Variants in HHAT observed in about 807,000 individuals in gnomAD.
The protein encoded by HHAT is hedgehog acyltransferase.
HHAT carries 47 observed loss-of-function variants against 70.8 expected under a neutral mutation model. The observed-to-expected ratio is 0.66, with a 90% CI of 0.53 to 0.85. The LOEUF (loss-of-function observed/expected upper bound fraction) is 0.85, where lower values mean the gene tolerates loss of function less well. Ranked by LOEUF, HHAT falls within the 40% of genes least tolerant of loss-of-function variation. The pLI is 0.00. For synonymous variants in HHAT, 228 were observed against 247.6 expected, an observed-to-expected ratio of 0.92 and a Z score of 0.74; for missense variants, 609 against 604.8, an observed-to-expected ratio of 1.01 and a Z score of -0.07.
chr1:210,609,093 G>A (rs925459969), intron 10 of HHAT, among the ~76,000 whole-genome samples: 33 of 152,146 alleles, frequency 2.2e-4, no homozygotes, highest in Non-Finnish European at 4.1e-4. Flanking sequence ...TCTTTGACAC[G>A]TGGTGATTAT....
rs1243378406 is a variant in HHAT, at chr1:210,674,529, T to C, written c.*150T>C. On this transcript the variant is annotated 3_prime_UTR_variant, in exon 12 of 12. Transcript: ENST00000261458. ...CTCCAAGACTGGATGCTGGATCTCA[T>C]AGAAAATTCACAGCCAGACAATCTT... The C allele has an allele frequency of 1.0e-5, 6 of 598,152 alleles. No homozygotes were observed. Among genetic ancestry groups the C allele is most frequent in the South Asian group, 2.2e-5 (1 of 46,336 alleles). The allele number at this position is 598,152 out of a possible 1,614,324, so 37.1% of individuals were successfully genotyped here. A position where few individuals can be genotyped will look rare whatever the true frequency, so the allele number is the denominator to read the frequency against.
In HHAT at chr1:210,651,535, G is replaced by A. The variant is rs535818784; in HGVS notation, c.1391-22753G>A. On this transcript the variant is annotated intron_variant, in intron 11 of 11. Transcript: ENST00000261458. Reference sequence around the variant, plus strand: ...CTTAGGCCTCTGAAGGGTACCCTGCGGCTTACGATGGAACCTCAGAGCAGG... The same window carrying A: ...CTTAGGCCTCTGAAGGGTACCCTGCAGCTTACGATGGAACCTCAGAGCAGG... Among the ~76,000 whole-genome samples, 27 of 152,238 alleles carry A rather than the reference G, an allele frequency of 1.8e-4. No homozygotes were observed. In the South Asian group the frequency reaches 4.8e-3, roughly 27 times the overall value.
At chr1:210,543,101 G>C (rs921149983) in intron 9 of HHAT, among the ~76,000 whole-genome samples, 1 of 152,134 alleles carries the variant, frequency 6.6e-6, no homozygotes. Flanking sequence ...CGTTAGTCCT[G>C]CCAAGAAAGC....
intron 9 of HHAT, among the ~76,000 whole-genome samples, chr1:210,581,689 A>G (rs1659295628): frequency 6.6e-6 from 1 of 152,220 alleles, no homozygotes; most frequent in South Asian, 2.1e-4. Context: ...GTGTGGAGAA[A>G]CTTCAGCATC....
intron 9 of HHAT, among the ~76,000 whole-genome samples, chr1:210,539,524 A>G (rs150688357): frequency 1.3e-4 from 20 of 152,268 alleles, no homozygotes; most frequent in Admixed American, 6.5e-4. Flanking sequence ...GCGATTTAAG[A>G]TCTGGTAAAC....
chr1:210,550,931 G>A (rs993858873), intron 9 of HHAT, among the ~76,000 whole-genome samples: 18 of 148,516 alleles, frequency 1.2e-4, no homozygotes, highest in Non-Finnish European at 4.4e-5. Context: ...GCCTCCCAAA[G>A]CTCTAGGATT....
In HHAT at chr1:210,473,847, C is replaced by CTGCT. The variant is rs1363688228; in HGVS notation, c.1007+9193_1007+9196dup. On this transcript the variant is annotated intron_variant, in intron 8 of 11. Coordinates refer to ENST00000261458, the MANE Select transcript of HHAT (RefSeq NM_018194.6). The stretch of plus-strand genomic sequence containing the variant: ...TCTGCTGGTCTTCAAGCTTCTGGGT[C>CTGCT]TGCTAGCTCTACCTTATTTCTAATT... Among the ~76,000 whole-genome samples, 29 of 152,296 alleles carry CTGCT rather than the reference C, an allele frequency of 1.9e-4. 1 individual carries two copies. The highest frequency in any genetic ancestry group is 6.7e-4 in the African/African-American group (28 of 41,544).
At chr1:210,537,478 A>G (rs1443242977) in intron 9 of HHAT, among the ~76,000 whole-genome samples, 1 of 152,200 alleles carries the variant, frequency 6.6e-6, no homozygotes, top group Non-Finnish European at 1.5e-5. Flanking sequence ...CAATAATAAT[A>G]AAATGAGTAG....
chr1:210,611,150 G>T (rs1428202099), intron 10 of HHAT, among the ~76,000 whole-genome samples: 2 of 152,198 alleles, frequency 1.3e-5, no homozygotes, highest in African/African-American at 4.8e-5. Context: ...CATGAGCATG[G>T]AACGTTCTTC....
intron 4 of HHAT, among the ~76,000 whole-genome samples, chr1:210,398,916 G>A (rs1459284979): frequency 6.6e-6 from 1 of 152,120 alleles, no homozygotes; most frequent in African/African-American, 2.4e-5. Flanking sequence ...GGTTTTCTTG[G>A]AACTTAAAAA....
At chr1:210,613,318 T>G (rs1415883784) in intron 10 of HHAT, among the ~76,000 whole-genome samples, 1 of 152,232 alleles carries the variant, frequency 6.6e-6, no homozygotes, top group African/African-American at 2.4e-5. Flanking sequence ...TTCTTTTGCA[T>G]GTGTATATCC....
chr1:210,674,810 T>C lies in HHAT; in HGVS notation c.*431T>C. The C allele has an allele frequency of 6.4e-6, 1 of 156,556 alleles. No homozygotes were observed. The highest frequency in any genetic ancestry group is 1.4e-5 in the Non-Finnish European group (1 of 70,846). The allele number at this position is 156,556 out of a possible 1,614,324, so 9.7% of individuals were successfully genotyped here. A position where few individuals can be genotyped will look rare whatever the true frequency, so the allele number is the denominator to read the frequency against. ...ATATTTCTAAAATATTTGAGTGACA[T>C]TGATGTTTAAGTGACCTCCTTCATC... On this transcript the variant is annotated 3_prime_UTR_variant, in exon 12 of 12. Coordinates refer to ENST00000261458, the MANE Select transcript of HHAT (RefSeq NM_018194.6).
chr1:210,394,229 CTTTTTTTTTTTTTTTTTTTTTTTT>C (rs59554789), intron 4 of HHAT, among the ~76,000 whole-genome samples: 2 of 116,274 alleles, frequency 1.7e-5, no homozygotes. Flanking sequence ...CATGATCTAT[CTTTTTTTTTTTTTTTTTTTTTTTT>C]TTTTTTTTTT....
intron 11 of HHAT, among the ~76,000 whole-genome samples, chr1:210,632,461 C>T (rs1411254342): frequency 6.6e-6 from 1 of 152,168 alleles, no homozygotes; most frequent in Non-Finnish European, 1.5e-5. Flanking sequence ...GTGATGTTTA[C>T]ATGGCATGAG....
At chr1:210,518,172 C>A (rs147711286) in intron 9 of HHAT, among the ~76,000 whole-genome samples, 1 of 152,146 alleles carries the variant, frequency 6.6e-6, no homozygotes, top group Non-Finnish European at 1.5e-5. Context: ...ACTGTGCAAT[C>A]GGACACCAGA....
chr1:210,486,459 T>C (rs2094473829), intron 8 of HHAT, among the ~76,000 whole-genome samples: 1 of 152,314 alleles, frequency 6.6e-6, no homozygotes, highest in Non-Finnish European at 1.5e-5. Context: ...TAATTAGAGC[T>C]TTTGTCTAGA....
At chr1:210,491,949 G>C (rs1222624777) in intron 8 of HHAT, among the ~76,000 whole-genome samples, 3 of 152,090 alleles carry the variant, frequency 2.0e-5, no homozygotes, top group African/African-American at 7.2e-5. Context: ...TTTTAGTAGA[G>C]ACAGGATTTT....
At chr1:210,386,804 C>T (rs1482041290) in intron 3 of HHAT, among the ~76,000 whole-genome samples, 1 of 152,178 alleles carries the variant, frequency 6.6e-6, no homozygotes, top group South Asian at 2.1e-4. Flanking sequence ...TCCTGGGGAG[C>T]TTCATAGATG....
Position 210,530,012 on chromosome 1 carries a change from G to T in HHAT, c.1043+16824G>T, listed in dbSNP as rs533222623. Among the ~76,000 whole-genome samples the T allele has an allele frequency of 7.2e-5, 11 of 152,326 alleles. No individual in the cohort carries two copies. The East Asian group carries it at 1.9e-3, about 27-fold the overall frequency. On this transcript the variant is annotated intron_variant, in intron 9 of 11. Transcript: ENST00000261458. Reference sequence around the variant, plus strand: ...TTCATTCTGTTCTCACAGCGACTCGGTGTTGAAGAGGGACCACGTGAGTCT... The same window carrying T: ...TTCATTCTGTTCTCACAGCGACTCGTTGTTGAAGAGGGACCACGTGAGTCT...
Sources: gnomAD v4.1 joint callset for allele counts (sites outside exome capture counted in the v4.1 genomes callset) on GRCh38, gnomAD v4.1.1 for gene constraint, MANE v1.5 for transcripts, NCBI Gene and HGNC (gene_info 2026-07-23, HGNC 2026-07-21) for gene names.